The following SCFD1 variants were observed in gnomAD, a reference collection of about 807,000 sequenced individuals.
SCFD1 encodes sec1 family domain containing 1, also known as sec1 family domain-containing protein 1.
In SCFD1, 37 loss-of-function variants were observed where a neutral mutation model predicts 103.2. The observed-to-expected ratio is 0.36, with a 90% CI of 0.28 to 0.47. The LOEUF (loss-of-function observed/expected upper bound fraction) is 0.47. Among genes scored for constraint, SCFD1 ranks in the 20% least tolerant of loss-of-function variants. SCFD1 has a pLI of 1.00. For missense variants in SCFD1, 639 were observed against 761.2 expected (o/e 0.84, Z 1.89); for synonymous variants, 264 against 245.0 (o/e 1.08, Z -0.73).
At chr14:30,678,543 G>C (rs1889226082) in intron 14 of SCFD1, among the ~76,000 whole-genome samples, 1 of 152,100 alleles carries the variant, frequency 6.6e-6, no homozygotes, top group East Asian at 1.9e-4. Flanking sequence ...CCACTTGCTG[G>C]TTGTTAGAGA....
At chr14:30,622,898 T>C (rs1488362694) in intron 1 of SCFD1, among the ~76,000 whole-genome samples, 1 of 152,242 alleles carries the variant, frequency 6.6e-6, no homozygotes, top group East Asian at 1.9e-4. Flanking sequence ...AAACATTTTC[T>C]CCTTCAGCTT....
chr14:30,627,351 A>G (rs963869477), intron 1 of SCFD1, among the ~76,000 whole-genome samples: 2 of 152,242 alleles, frequency 1.3e-5, no homozygotes, highest in Non-Finnish European at 2.9e-5. Flanking sequence ...CTGACAGGAT[A>G]AATTGTTTGT....
intron 20 of SCFD1, among the ~76,000 whole-genome samples, chr14:30,717,929 A>G (rs1386296414): frequency 6.6e-6 from 1 of 151,928 alleles, no homozygotes; most frequent in Non-Finnish European, 1.5e-5. Flanking sequence ...CTATTATCTC[A>G]CTTAATCCTC....
intron 23 of SCFD1, among the ~76,000 whole-genome samples, chr14:30,733,211 T>C (rs928838826): frequency 2.6e-5 from 4 of 152,112 alleles, no homozygotes; most frequent in African/African-American, 9.7e-5. Context: ...GGTTTCACCA[T>C]GCTGGCCAGG....
At chr14:30,657,809 G>A (rs1195410805) in intron 10 of SCFD1, among the ~76,000 whole-genome samples, 5 of 152,032 alleles carry the variant, frequency 3.3e-5, no homozygotes, top group Non-Finnish European at 7.4e-5. Context: ...ACTTAAAATT[G>A]CAGTTTACTT....
chr14:30,624,434 T>G (rs572806254), intron 1 of SCFD1, among the ~76,000 whole-genome samples: 1 of 152,320 alleles, frequency 6.6e-6, no homozygotes, highest in South Asian at 2.1e-4. Flanking sequence ...TATCAGTTAA[T>G]GGCAGTTCCG....
chr14:30,626,487 A>T (rs1303000015), intron 1 of SCFD1, among the ~76,000 whole-genome samples: 1 of 152,206 alleles, frequency 6.6e-6, no homozygotes, highest in Non-Finnish European at 1.5e-5. Context: ...TAGGCCATGC[A>T]GTGGATCAAG....
At chr14:30,661,314 ATG>A (rs1332618764) in intron 10 of SCFD1, among the ~76,000 whole-genome samples, 2 of 152,184 alleles carry the variant, frequency 1.3e-5, no homozygotes, top group East Asian at 3.8e-4. Flanking sequence ...GATGACTGTT[ATG>A]TAAAGCAGAA....
intron 1 of SCFD1, among the ~76,000 whole-genome samples, chr14:30,627,168 T>C (rs908212825): frequency 9.2e-5 from 14 of 152,168 alleles, no homozygotes; most frequent in African/African-American, 2.9e-4. Context: ...GGGATTTTCA[T>C]TTTCTGTAAC....
At chr14:30,638,010 G>T (rs563953148) in intron 4 of SCFD1, 115 bp from the exon 5 acceptor site, 3 of 1,282,736 alleles carry the variant, frequency 2.3e-6, no homozygotes, top group South Asian at 1.9e-5. Context: ...TACTTTTTTT[G>T]ATTGTCATTT....
intron 12 of SCFD1, 134 bp downstream of exon 12, chr14:30,673,481 C>A: frequency 3.2e-5 from 15 of 473,112 alleles, no homozygotes; most frequent in East Asian, 6.6e-5. Flanking sequence ...TTTCAACTTG[C>A]GTAAGTGATC....
intron 14 of SCFD1, among the ~76,000 whole-genome samples, chr14:30,677,827 CTT>C (rs58942207): frequency 2.2e-4 from 15 of 67,502 alleles, no homozygotes; most frequent in African/African-American, 5.9e-4. Context: ...ACCTAAGCAC[CTT>C]TTTTTTTTTT....
chr14:30,663,601 A>G (rs1016701317), intron 10 of SCFD1, among the ~76,000 whole-genome samples: 4 of 152,132 alleles, frequency 2.6e-5, no homozygotes, highest in African/African-American at 4.8e-5. Flanking sequence ...CATTCCAACC[A>G]TTTATTGTAA....
At chr14:30,637,544 G>T (rs1007211571) in intron 4 of SCFD1, among the ~76,000 whole-genome samples, 1 of 152,074 alleles carries the variant, frequency 6.6e-6, no homozygotes, top group Non-Finnish European at 1.5e-5. Context: ...TACATAAAAT[G>T]ATGGTTCTTG....
intron 23 of SCFD1, among the ~76,000 whole-genome samples, chr14:30,726,308 T>G (rs1893041681): frequency 6.6e-6 from 1 of 152,182 alleles, no homozygotes; most frequent in Admixed American, 6.5e-5. Flanking sequence ...TTTGTGAAAT[T>G]TTATAACAAT....
chr14:30,660,081 A>G (rs939336381), intron 10 of SCFD1, among the ~76,000 whole-genome samples: 4 of 152,196 alleles, frequency 2.6e-5, no homozygotes, highest in African/African-American at 9.6e-5. Context: ...GATTGTTTCA[A>G]AGATGCTTCT....
chr14:30,683,363 A>C, intron 14 of SCFD1: 2 of 567,654 alleles, frequency 3.5e-6, no homozygotes, highest in Non-Finnish European at 6.4e-6. Flanking sequence ...GTGAGAGCTT[A>C]TGCTTATACC....
At chr14:30,729,158 A>C (rs1296950875) in intron 23 of SCFD1, among the ~76,000 whole-genome samples, 1 of 152,164 alleles carries the variant, frequency 6.6e-6, no homozygotes, top group Admixed American at 6.6e-5. Context: ...CCCGTATCAG[A>C]TACATGATTT....
chr14:30,669,727 C>T (rs923792585), intron 10 of SCFD1: 1 of 152,130 alleles, frequency 6.6e-6, no homozygotes, highest in Non-Finnish European at 1.5e-5. Context: ...ACTCAAGTGA[C>T]ACATCAGAAT....
Sources: allele counts gnomAD v4.1 joint callset (sites outside exome capture counted in the v4.1 genomes callset), GRCh38; gene constraint gnomAD v4.1.1; transcripts MANE v1.5; gene names NCBI Gene and HGNC (gene_info 2026-07-23, HGNC 2026-07-21).